The following PTPRN2 variants were observed in gnomAD, a reference collection of about 807,000 sequenced individuals.
PTPRN2 encodes the protein protein tyrosine phosphatase receptor type N2, also known as receptor-type tyrosine-protein phosphatase N2.
PTPRN2 carries 74 observed loss-of-function variants against 118.8 expected under a neutral mutation model. The observed-to-expected ratio is 0.62, with a 90% CI of 0.52 to 0.76. The LOEUF (loss-of-function observed/expected upper bound fraction) is 0.76. Ranked by LOEUF, PTPRN2 falls within the 30% of genes least tolerant of loss-of-function variation. The probability of loss-of-function intolerance (pLI) is 0.00; values close to 1 mark genes in which losing one functional copy is unlikely to be tolerated. For missense variants in PTPRN2, 1,481 were observed against 1,394.4 expected, an observed-to-expected ratio of 1.06 and a Z score of -0.99; for synonymous variants, 641 against 608.0, an observed-to-expected ratio of 1.05 and a Z score of -0.80.
chr7:158,569,676 G>GAACGCGGGGCGCGAGGCCGCCTGACAGC (rs1827871901), intron 1 of PTPRN2, among the ~76,000 whole-genome samples: 5 of 151,062 alleles, frequency 3.3e-5, no homozygotes, highest in Non-Finnish European at 7.4e-5. Context: ...TAACTGACAG[G>GAACGCGGGGCGCGAGGCCGCCTGACAGC]AACGCGGGGC....
intron 11 of PTPRN2, among the ~76,000 whole-genome samples, chr7:158,019,975 C>T (rs1329856984): frequency 2.0e-5 from 3 of 152,210 alleles, no homozygotes; most frequent in Admixed American, 6.5e-5. Context: ...AGCCATTGGC[C>T]GCGGTCCTGC....
intron 6 of PTPRN2, among the ~76,000 whole-genome samples, chr7:158,150,670 G>C (rs950025982): frequency 6.6e-6 from 1 of 152,016 alleles, no homozygotes; most frequent in Non-Finnish European, 1.5e-5. Flanking sequence ...AACCCAGGGG[G>C]GTCACTGAGG....
rs369153551 is a variant in PTPRN2 at position 157,778,366 on chromosome 7, C to T, written c.1789-95429G>A. Among the ~76,000 whole-genome samples, 14 of 151,536 alleles carry T rather than the reference C, an allele frequency of 9.2e-5. No individual in the cohort carries two copies. In the East Asian group the frequency reaches 9.7e-4, roughly 10 times the overall value. On this transcript the variant is annotated intron_variant, in intron 12 of 22. Coordinates refer to ENST00000389418, the MANE Select transcript of PTPRN2 (RefSeq NM_002847.5). Reference sequence around the variant, plus strand: ...TGTGATTACAGTTGTTGAATGCCCACGTAAACATGTCCACGTGAATACAGG... The same window carrying T: ...TGTGATTACAGTTGTTGAATGCCCATGTAAACATGTCCACGTGAATACAGG...
At chr7:158,459,912 C>T in intron 2 of PTPRN2, among the ~76,000 whole-genome samples, 1 of 98,466 alleles carries the variant, frequency 1.0e-5, no homozygotes, top group Non-Finnish European at 2.2e-5. Flanking sequence ...CATCCAGCTA[C>T]AGGATGGGAC....
At chr7:158,321,139 T>C (rs1486151472) in intron 2 of PTPRN2, among the ~76,000 whole-genome samples, 1 of 151,872 alleles carries the variant, frequency 6.6e-6, no homozygotes, top group Non-Finnish European at 1.5e-5. Flanking sequence ...ACAGCAGGGG[T>C]GCCGGAGCCA....
intron 12 of PTPRN2, among the ~76,000 whole-genome samples, chr7:157,838,573 A>G (rs369833850): frequency 2.2e-4 from 19 of 87,744 alleles, no homozygotes; most frequent in African/African-American, 4.0e-4. Flanking sequence ...AGTTCCTCTC[A>G]TAGTGGATGG....
chr7:158,065,927 G>C (rs1336824266), intron 11 of PTPRN2, among the ~76,000 whole-genome samples: 3 of 152,310 alleles, frequency 2.0e-5, no homozygotes, highest in Middle Eastern at 3.4e-3. Flanking sequence ...TTTTAAAAGG[G>C]AAGAGGTGGA....
chr7:157,556,701 A>C (rs1483589511), intron 21 of PTPRN2, among the ~76,000 whole-genome samples: 1 of 149,480 alleles, frequency 6.7e-6, no homozygotes, highest in Non-Finnish European at 1.5e-5. Flanking sequence ...ATGCCCACAC[A>C]CATATACACA....
At chr7:158,443,208 C>G (rs1330651820) in intron 2 of PTPRN2, among the ~76,000 whole-genome samples, 1 of 152,114 alleles carries the variant, frequency 6.6e-6, no homozygotes, top group African/African-American at 2.4e-5. Flanking sequence ...GCGGAGGCTG[C>G]GGAGGACGCT....
intron 12 of PTPRN2, among the ~76,000 whole-genome samples, chr7:157,805,301 G>GTT (rs1414775801): frequency 6.6e-6 from 1 of 151,452 alleles, no homozygotes; most frequent in Admixed American, 6.6e-5. Flanking sequence ...GTGTGTGTGT[G>GTT]TGTGTGTGTG....
intron 2 of PTPRN2, among the ~76,000 whole-genome samples, chr7:158,354,220 C>G (rs1325138931): frequency 6.6e-6 from 1 of 152,206 alleles, no homozygotes; most frequent in African/African-American, 2.4e-5. Context: ...CACAAAGAAT[C>G]TTTAAGCAAA....
chr7:157,669,847 C>T (rs1796323695), intron 13 of PTPRN2, among the ~76,000 whole-genome samples: 1 of 152,196 alleles, frequency 6.6e-6, no homozygotes, highest in African/African-American at 2.4e-5. Context: ...CCCCACACAA[C>T]CTCGAGGCCG....
chr7:158,343,953 C>G (rs1258423138), intron 2 of PTPRN2, among the ~76,000 whole-genome samples: 1 of 152,156 alleles, frequency 6.6e-6, no homozygotes, highest in East Asian at 1.9e-4. Context: ...CCAAAGAAGA[C>G]CAGTGAACAC....
At position 158,138,505 on chromosome 7, in the gene PTPRN2, A is replaced by C. The variant is rs375978722; in HGVS notation, c.921T>G (p.Ile307Met). ...DPSSTGDGAR[I>M]HTLLKDLQRQ... is the part of the protein sequence containing the mutation. Reference sequence around the variant, plus strand: ...TCTGCAGGTCCTTCAGGAGGGTATGAATCCGTGCTCCTAGGGGCACACACA... The same window carrying C: ...TCTGCAGGTCCTTCAGGAGGGTATGCATCCGTGCTCCTAGGGGCACACACA... Residue 307 changes from isoleucine to methionine, a missense_variant, in exon 7 of 23, where the codon ATT becomes ATG. Physicochemically the swap from Ile to Met is conservative, Grantham distance 10. Transcript: ENST00000389418. 1 of 1,611,636 alleles carries C rather than the reference A, an allele frequency of 6.2e-7. No homozygotes were observed. The highest frequency in any genetic ancestry group is 1.3e-5 in the African/African-American group (1 of 75,060).
chr7:158,455,198 G>A (rs891803689), intron 2 of PTPRN2, among the ~76,000 whole-genome samples: 21 of 152,242 alleles, frequency 1.4e-4, no homozygotes, highest in Admixed American at 1.2e-3. Context: ...AGAAGATAAC[G>A]GCACGGACGC....
In PTPRN2 at chr7:157,656,369, G is replaced by A. The variant is rs140851646; in HGVS notation, c.2184C>T (p.Gly728=). 226 of 1,550,228 alleles carry A rather than the reference G, an allele frequency of 1.5e-4. No individual in the cohort carries two copies. The highest frequency in any genetic ancestry group is 1.8e-4 in the Non-Finnish European group (209 of 1,146,148). Residue 728 remains glycine (G), a synonymous_variant, in exon 14 of 23, where the codon GGC becomes GGT. Coordinates refer to ENST00000389418, the MANE Select transcript of PTPRN2 (RefSeq NM_002847.5). ...PVQSNMDIST[G]HMILSYMEDH... ...AGACTGGGCTTACCAGGATCATGTG[G>A]CCGGTGGAGATGTCCATGTTGGACT...
chr7:157,966,596 A>G (rs1801951640), intron 11 of PTPRN2, among the ~76,000 whole-genome samples: 1 of 151,318 alleles, frequency 6.6e-6, no homozygotes, highest in Non-Finnish European at 1.5e-5. Context: ...TACCATCACT[A>G]CTATCACCAT....
At chr7:157,781,644 G>A (rs1803688056) in intron 12 of PTPRN2, among the ~76,000 whole-genome samples, 1 of 152,176 alleles carries the variant, frequency 6.6e-6, no homozygotes, top group Admixed American at 6.5e-5. Flanking sequence ...GGTGCATGGC[G>A]GAAGCTTCCT....
In PTPRN2 at chr7:158,422,420, G is replaced by A. The variant is rs1354972800; in HGVS notation, c.163+67315C>T. On this transcript the variant is annotated intron_variant, in intron 2 of 22. Transcript: ENST00000389418. ...TTTTCTGAATTTCAAATCTGGACAC[G>A]GAATTGAGCCGGAAAACTCTGAATG... Among the ~76,000 whole-genome samples, 7 of 152,210 alleles carry A rather than the reference G, an allele frequency of 4.6e-5. No individual in the cohort carries two copies. The South Asian group carries it at 1.2e-3, about 27-fold the overall frequency.
Sources: allele counts gnomAD v4.1 joint callset (sites outside exome capture counted in the v4.1 genomes callset), GRCh38; gene constraint gnomAD v4.1.1; transcripts MANE v1.5; gene names NCBI Gene and HGNC (gene_info 2026-07-23, HGNC 2026-07-21).